Variants in PCDH17 observed in about 807,000 individuals in gnomAD.
PCDH17 encodes the protein protocadherin 17.
Under a neutral mutation model 67.7 loss-of-function variants are expected in PCDH17, and 21 were observed. The observed-to-expected ratio is 0.31, with a 90% CI of 0.22 to 0.45. The LOEUF (loss-of-function observed/expected upper bound fraction) is 0.45. Ranked by LOEUF, PCDH17 falls within the 20% of genes least tolerant of loss-of-function variation. The probability of loss-of-function intolerance (pLI) is 1.00; values close to 1 mark genes in which losing one functional copy is unlikely to be tolerated. For synonymous variants in PCDH17, 701 were observed against 656.7 expected (o/e 1.07, Z -1.03); for missense variants, 1,471 against 1,564.8 (o/e 0.94, Z 1.01).
intron 3 of PCDH17, among the ~76,000 whole-genome samples, chr13:57,667,771 AT>A (rs1955272028): frequency 1.1e-3 from 5 of 4,412 alleles, no homozygotes; most frequent in African/African-American, 8.6e-3. Flanking sequence ...CTGTTCTATT[AT>A]ATATATACCT....
At chr13:57,700,372 G>A (rs1489476977) in intron 3 of PCDH17, among the ~76,000 whole-genome samples, 1 of 134,304 alleles carries the variant, frequency 7.4e-6, no homozygotes, top group Non-Finnish European at 1.5e-5. Context: ...AGGCTGGATT[G>A]CAGTGGCGTG....
intron 1 of PCDH17, among the ~76,000 whole-genome samples, chr13:57,652,147 G>T (rs1385831215): frequency 2.0e-5 from 3 of 151,542 alleles, no homozygotes; most frequent in Non-Finnish European, 2.9e-5. Flanking sequence ...GCGCGGTGGC[G>T]GGCGCCTGTA....
chr13:57,654,803 T>G (rs925958769), intron 1 of PCDH17, among the ~76,000 whole-genome samples: 2 of 152,042 alleles, frequency 1.3e-5, no homozygotes, highest in Non-Finnish European at 2.9e-5. Flanking sequence ...GTGGTATATA[T>G]TCTTATATTT....
intron 1 of PCDH17, among the ~76,000 whole-genome samples, chr13:57,647,869 A>T (rs1167872159): frequency 2.6e-5 from 4 of 151,842 alleles, no homozygotes; most frequent in African/African-American, 9.7e-5. Flanking sequence ...TAGAATGCTA[A>T]TTTTTTTAAC....
At chr13:57,658,227 A>G (rs1272053814) in intron 1 of PCDH17, among the ~76,000 whole-genome samples, 1 of 152,182 alleles carries the variant, frequency 6.6e-6, no homozygotes, top group Non-Finnish European at 1.5e-5. Context: ...CTTAGTCTCT[A>G]ATCTGCTTCC....
Position 57,633,805 on chromosome 13 carries a change from A to T in PCDH17, c.1259A>T (p.Asn420Ile). Residue 420 changes from asparagine to isoleucine, a missense_variant, in exon 1 of 4, where the codon AAC becomes ATC. Coordinates refer to ENST00000377918, the MANE Select transcript of PCDH17 (RefSeq NM_001040429.3). The surrounding 1 kb of genome is among the most constrained non-coding windows in gnomAD (Gnocchi z 6.2). ...TTCAAGCTTGAGGAGAACTACGACA[A>T]CTTCTACACGGTGGTGACTGACCGC... ...VPFKLEENYDNFYTVVTDRPL... is the reference protein window; with the variant it reads ...VPFKLEENYDIFYTVVTDRPL... The T allele has an allele frequency of 6.2e-7, 1 of 1,610,528 alleles. No individual in the cohort carries two copies. The highest frequency in any genetic ancestry group is 8.5e-7 in the Non-Finnish European group (1 of 1,179,766).
chr13:57,630,557 A>G (rs1294100695), upstream of PCDH17, among the ~76,000 whole-genome samples: 1 of 152,138 alleles, frequency 6.6e-6, no homozygotes, highest in Non-Finnish European at 1.5e-5. Flanking sequence ...CCAAGAGGAA[A>G]GGTTTAAAAA....
intron 3 of PCDH17, among the ~76,000 whole-genome samples, chr13:57,674,021 C>A (rs928153988): frequency 6.6e-6 from 1 of 151,978 alleles, no homozygotes; most frequent in Admixed American, 6.6e-5. Flanking sequence ...CATGTGCAAA[C>A]ATCTGCTTCT....
At chr13:57,688,978 T>C (rs992038970) in intron 3 of PCDH17, among the ~76,000 whole-genome samples, 6 of 152,072 alleles carry the variant, frequency 3.9e-5, no homozygotes, top group African/African-American at 1.4e-4. Flanking sequence ...AATCATTTTC[T>C]TAGTATAGAA....
At chr13:57,718,457 A>G (rs1284874446) in intron 3 of PCDH17, among the ~76,000 whole-genome samples, 1 of 152,076 alleles carries the variant, frequency 6.6e-6, no homozygotes, top group Non-Finnish European at 1.5e-5. Flanking sequence ...ACAATATACA[A>G]GTAAATGGGA....
At chr13:57,670,459 T>C (rs1955306779) in intron 3 of PCDH17, among the ~76,000 whole-genome samples, 1 of 151,528 alleles carries the variant, frequency 6.6e-6, no homozygotes, top group South Asian at 2.1e-4. Flanking sequence ...AGGAGATGTG[T>C]TTCTCAGTCT....
intron 1 of PCDH17, among the ~76,000 whole-genome samples, chr13:57,652,395 A>G (rs1216892253): frequency 6.6e-6 from 1 of 152,100 alleles, no homozygotes; most frequent in African/African-American, 2.4e-5. Flanking sequence ...AGGCTTGGTC[A>G]CTTTTGGTTA....
chr13:57,702,106 C>T (rs1273944655), intron 3 of PCDH17, among the ~76,000 whole-genome samples: 2 of 151,870 alleles, frequency 1.3e-5, no homozygotes, highest in Admixed American at 6.6e-5. Flanking sequence ...TTAGTAGAGA[C>T]GGGGTTTCAT....
intron 3 of PCDH17, among the ~76,000 whole-genome samples, chr13:57,693,117 A>G (rs934486687): frequency 9.3e-5 from 14 of 150,530 alleles, no homozygotes; most frequent in Non-Finnish European, 1.8e-4. Context: ...CCTGTTGTCA[A>G]GATTTCCACT....
At chr13:57,686,984 C>A (rs1955513731) in intron 3 of PCDH17, among the ~76,000 whole-genome samples, 1 of 151,820 alleles carries the variant, frequency 6.6e-6, no homozygotes, top group African/African-American at 2.4e-5. Flanking sequence ...CATAGTGAGC[C>A]CCATCCTTTA....
intron 1 of PCDH17, among the ~76,000 whole-genome samples, chr13:57,658,319 T>C (rs1955135378): frequency 6.6e-6 from 1 of 152,154 alleles, no homozygotes; most frequent in Admixed American, 6.5e-5. Flanking sequence ...TTTTTTTATA[T>C]CTTCTATTTC....
At chr13:57,704,854 T>C (rs1431563205) in intron 3 of PCDH17, among the ~76,000 whole-genome samples, 2 of 152,100 alleles carry the variant, frequency 1.3e-5, no homozygotes, top group African/African-American at 2.4e-5. Context: ...CTTGGATAGA[T>C]TGATTTGTAG....
chr13:57,682,304 C>T (rs1345882934), intron 3 of PCDH17, among the ~76,000 whole-genome samples: 1 of 151,704 alleles, frequency 6.6e-6, no homozygotes, highest in African/African-American at 2.4e-5. Flanking sequence ...TCAGTTCACT[C>T]ACCCCCAGTG....
At chr13:57,668,997 C>G (rs1021801588) in intron 3 of PCDH17, among the ~76,000 whole-genome samples, 1 of 151,972 alleles carries the variant, frequency 6.6e-6, no homozygotes, top group African/African-American at 2.4e-5. Flanking sequence ...CCCGCTCCCC[C>G]CACCCCACAA....
Sources: gnomAD v4.1 joint callset for allele counts (sites outside exome capture counted in the v4.1 genomes callset) on GRCh38, gnomAD v4.1.1 for gene constraint, Gnocchi (gnomAD v3.1) non-coding constraint, MANE v1.5 for transcripts, NCBI Gene and HGNC (gene_info 2026-07-23, HGNC 2026-07-21) for gene names.